The following NCKAP5 variants were observed in gnomAD, a reference collection of about 807,000 sequenced individuals.
NCKAP5 encodes the protein NCK associated protein 5.
In NCKAP5, 92 loss-of-function variants were observed where a neutral mutation model predicts 167.0. The ratio of observed to expected loss-of-function variants is 0.55; its 90% CI spans 0.47 to 0.66. NCKAP5 has a LOEUF of 0.66. NCKAP5 is among the 30% of genes least tolerant of loss of function. The probability of loss-of-function intolerance (pLI) is 0.00; values close to 1 mark genes in which losing one functional copy is unlikely to be tolerated. For synonymous variants in NCKAP5, 891 were observed against 877.4 expected, an observed-to-expected ratio of 1.02 and a Z score of -0.27; for missense variants, 2,378 against 2,315.0, an observed-to-expected ratio of 1.03 and a Z score of -0.56.
intron 4 of NCKAP5, among the ~76,000 whole-genome samples, chr2:133,240,731 A>C (rs1004041765): frequency 2.6e-5 from 4 of 152,188 alleles, no homozygotes; most frequent in Admixed American, 6.5e-5. Context: ...CCCAGACCCA[A>C]GCTGGCATAT....
intron 15 of NCKAP5, among the ~76,000 whole-genome samples, chr2:132,776,613 A>G (rs576086488): frequency 1.4e-4 from 22 of 152,312 alleles, no homozygotes; most frequent in African/African-American, 4.8e-4. Context: ...AAGAAAATGG[A>G]AAGTGGGAGA....
At chr2:132,839,676 T>C (rs1023055264) in intron 11 of NCKAP5, among the ~76,000 whole-genome samples, 8 of 146,176 alleles carry the variant, frequency 5.5e-5, no homozygotes, top group Admixed American at 4.9e-4. Context: ...GAGGATTGCT[T>C]GGGCCCAAGA....
At position 133,264,097 on chromosome 2, in the gene NCKAP5, T is replaced by C. The variant is rs1004963887; in HGVS notation, c.143+38940A>G. On this transcript the variant is annotated intron_variant, in intron 4 of 19. Transcript: ENST00000409261. ...AGGCCACTGAAGCCCCAGGATGGAGTTTCTCTCCAAGACACCCTTCTGGTA... is the reference window on the plus strand; with the variant it reads ...AGGCCACTGAAGCCCCAGGATGGAGCTTCTCTCCAAGACACCCTTCTGGTA... Among the ~76,000 whole-genome samples, 6 of 151,912 alleles carry C rather than the reference T, an allele frequency of 3.9e-5. No homozygotes were observed. In the East Asian group the frequency reaches 1.2e-3, roughly 29 times the overall value.
chr2:133,167,776 A>T (rs1010217819), intron 5 of NCKAP5, among the ~76,000 whole-genome samples: 3 of 152,088 alleles, frequency 2.0e-5, no homozygotes, highest in African/African-American at 7.2e-5. Context: ...TGATCACATG[A>T]TCTCTGAAGG....
chr2:133,498,983 A>T (rs1170795371), intron 3 of NCKAP5, among the ~76,000 whole-genome samples: 4 of 152,224 alleles, frequency 2.6e-5, no homozygotes, highest in African/African-American at 9.6e-5. Flanking sequence ...GACCTCCTGA[A>T]TCAAGGAACT....
In NCKAP5 at chr2:132,806,390, G is replaced by A. The variant is rs573023250; in HGVS notation, c.808-9661C>T. Among the ~76,000 whole-genome samples the A allele has an allele frequency of 5.9e-5, 9 of 152,078 alleles. No homozygotes were observed. The East Asian group carries it at 9.7e-4, about 16-fold the overall frequency. ...GGTTGTACTAGTTTACATTCCCAGC[G>A]GCAGTGTAGAAGTGTTCCCTGTTCA... On this transcript the variant is annotated intron_variant, in intron 11 of 19. Transcript: ENST00000409261.
rs1691467102 is a variant in NCKAP5, at chr2:133,450,252, T to G, written c.69+67206A>C. ...TCTTCCCTGTTCTGTTATCCATCCC[T>G]CAGGTAATGTCAACTTGAGTCATTT... On this transcript the variant is annotated intron_variant, in intron 3 of 19. Coordinates refer to ENST00000409261, the MANE Select transcript of NCKAP5 (RefSeq NM_207363.3). Among the ~76,000 whole-genome samples, 3 of 152,298 alleles carry G rather than the reference T, an allele frequency of 2.0e-5. No individual in the cohort carries two copies. The East Asian group carries it at 5.8e-4, about 29-fold the overall frequency.
chr2:133,511,031 C>G (rs1397404766), intron 3 of NCKAP5, among the ~76,000 whole-genome samples: 1 of 152,200 alleles, frequency 6.6e-6, no homozygotes, highest in Admixed American at 6.5e-5. Flanking sequence ...AGGAAGCCAT[C>G]CTGGTTGAGA....
intron 4 of NCKAP5, among the ~76,000 whole-genome samples, chr2:133,246,960 T>C (rs1186665862): frequency 6.6e-6 from 1 of 152,192 alleles, no homozygotes; most frequent in Non-Finnish European, 1.5e-5. Flanking sequence ...CAATCCAGCA[T>C]CCTTTTCAAT....
intron 3 of NCKAP5, among the ~76,000 whole-genome samples, chr2:133,397,445 T>C (rs1687800945): frequency 1.3e-5 from 2 of 152,260 alleles, no homozygotes; most frequent in African/African-American, 4.8e-5. Flanking sequence ...ACCTTCTCTA[T>C]GTAATTCATT....
At chr2:133,674,349 T>C in the NCKAP5 span, among the ~76,000 whole-genome samples, 1 of 152,170 alleles carries the variant, frequency 6.6e-6, no homozygotes, top group South Asian at 2.1e-4. Flanking sequence ...ACATCATAAC[T>C]GTTGGTTCCA....
chr2:133,137,831 C>T (rs925719018), intron 5 of NCKAP5, among the ~76,000 whole-genome samples: 10 of 152,274 alleles, frequency 6.6e-5, no homozygotes, highest in East Asian at 1.9e-4. Context: ...ATTTTACTTC[C>T]GCGCAGAGGG....
chr2:133,242,553 T>G (rs1385370598), intron 4 of NCKAP5, among the ~76,000 whole-genome samples: 1 of 152,008 alleles, frequency 6.6e-6, no homozygotes, highest in Non-Finnish European at 1.5e-5. Flanking sequence ...AGTGTTGGAG[T>G]GGGTAGCTAA....
chr2:132,883,863 G>T (rs1691992479), intron 8 of NCKAP5, among the ~76,000 whole-genome samples: 1 of 152,136 alleles, frequency 6.6e-6, no homozygotes, highest in South Asian at 2.1e-4. Flanking sequence ...GTCTTCTTTG[G>T]CAGGTGCTTG....
At chr2:133,083,533 T>C (rs1314288281) in intron 6 of NCKAP5, among the ~76,000 whole-genome samples, 3 of 152,152 alleles carry the variant, frequency 2.0e-5, no homozygotes, top group Non-Finnish European at 4.4e-5. Flanking sequence ...CTACAAGAAC[T>C]AGGATTGATT....
intron 8 of NCKAP5, among the ~76,000 whole-genome samples, chr2:132,913,310 T>A (rs1490384526): frequency 6.6e-6 from 1 of 152,126 alleles, no homozygotes; most frequent in Non-Finnish European, 1.5e-5. Context: ...TCTGACTATC[T>A]TTACACCATG....
At chr2:132,777,082 T>C (rs1197569344) in intron 15 of NCKAP5, among the ~76,000 whole-genome samples, 1 of 152,338 alleles carries the variant, frequency 6.6e-6, no homozygotes, top group Admixed American at 6.5e-5. Context: ...TGGTAAAAAG[T>C]AGAAGGTGAC....
chr2:133,387,980 G>A (rs1381625837), intron 3 of NCKAP5, among the ~76,000 whole-genome samples: 1 of 152,080 alleles, frequency 6.6e-6, no homozygotes, highest in African/African-American at 2.4e-5. Flanking sequence ...TCTTTGCGAT[G>A]GGTTCGATCT....
At chr2:133,419,297 T>C (rs1403045540) in intron 3 of NCKAP5, among the ~76,000 whole-genome samples, 1 of 152,202 alleles carries the variant, frequency 6.6e-6, no homozygotes, top group Non-Finnish European at 1.5e-5. Context: ...GAGACAATAT[T>C]GGAATTTGTC....
Sources: gnomAD v4.1 joint callset for allele counts (sites outside exome capture counted in the v4.1 genomes callset) on GRCh38, gnomAD v4.1.1 for gene constraint, MANE v1.5 for transcripts, NCBI Gene and HGNC (gene_info 2026-07-23, HGNC 2026-07-21) for gene names.